IDE: variants seen among roughly 807,000 people sequenced by gnomAD.
IDE encodes the protein insulin degrading enzyme, also known as insulin-degrading enzyme.
In IDE, 58 loss-of-function variants were observed where a neutral mutation model predicts 133.2. That is an observed-to-expected ratio of 0.44 (90% CI 0.35 to 0.54). The LOEUF is 0.54. Ranked by LOEUF, IDE falls within the 20% of genes least tolerant of loss-of-function variation. IDE has a pLI of 0.00. For synonymous variants in IDE, 396 were observed against 421.3 expected, an observed-to-expected ratio of 0.94 and a Z score of 0.73; for missense variants, 981 against 1,234.0, an observed-to-expected ratio of 0.79 and a Z score of 3.07.
In IDE at chr10:92,504,944, C is replaced by G. The variant is rs188517746; in HGVS notation, c.1327-47G>C. 3.5e-6 allele frequency: 3 copies of G among 853,558 alleles called. No individual in the cohort carries two copies. In the Admixed American group the frequency reaches 8.2e-5, roughly 23 times the overall value. The allele number at this position is 853,558 out of a possible 1,614,324, so 52.9% of individuals were successfully genotyped here. A position where few individuals can be genotyped will look rare whatever the true frequency, so the allele number is the denominator to read the frequency against. On this transcript the variant is annotated intron_variant, in intron 10 of 24. Transcript: ENST00000265986. ...ATAAATAAAATATACAAAGCTACTA[C>G]ATAGTTTATTAAAGCAGATCTGTAA...
chr10:92,545,339 T>C (rs1842493856), intron 1 of IDE, among the ~76,000 whole-genome samples: 2 of 152,290 alleles, frequency 1.3e-5, no homozygotes, highest in African/African-American at 2.4e-5. Context: ...AATATGATTA[T>C]GTATATAGAA....
At position 92,517,965 on chromosome 10, in the gene IDE, T is replaced by C. The variant is rs79577301; in HGVS notation, c.662-2923A>G. On this transcript the variant is annotated intron_variant, in intron 4 of 24. Transcript: ENST00000265986. The stretch of plus-strand genomic sequence containing the variant: ...ATATAAATAAATAAATAAGACCTAG[T>C]TCTGCTTTACTGCCCAGAGAGGTCC... Among the ~76,000 whole-genome samples the C allele has an allele frequency of 9.9e-4, 151 of 152,264 alleles. 1 individual carries two copies. Among genetic ancestry groups the C allele is most frequent in the Non-Finnish European group, 1.8e-3 (123 of 68,032 alleles).
intron 1 of IDE, among the ~76,000 whole-genome samples, chr10:92,544,008 A>ATG (rs1842423792): frequency 6.6e-6 from 1 of 152,160 alleles, no homozygotes. Context: ...CGAGGTGGGC[A>ATG]GATCACCTGA....
At chr10:92,470,129 G>A in intron 18 of IDE, 125 bp downstream of exon 18, 1 of 579,204 alleles carries the variant, frequency 1.7e-6, no homozygotes, top group South Asian at 2.9e-5. Context: ...CACAGAGCAA[G>A]AGGGTTGAGT....
rs551562063 is a variant in IDE, at chr10:92,523,841, T to G, written c.661+7907A>C. Among the ~76,000 whole-genome samples the G allele has an allele frequency of 3.9e-5, 6 of 152,274 alleles. No individual in the cohort carries two copies. In the East Asian group the frequency reaches 7.7e-4, roughly 20 times the overall value. ...TGTTCCCACTCACTCTTTGACCTCC[T>G]TCTTTTATTTCCCTCCCAGCTGAAT... On this transcript the variant is annotated intron_variant, in intron 4 of 24. Transcript: ENST00000265986.
intron 2 of IDE, among the ~76,000 whole-genome samples, chr10:92,535,061 A>G (rs1448902912): frequency 6.6e-6 from 1 of 152,108 alleles, no homozygotes; most frequent in Non-Finnish European, 1.5e-5. Context: ...AGGAAGAAAG[A>G]GCTGGATTCA....
At chr10:92,498,681 C>T (rs955399965) in intron 11 of IDE, among the ~76,000 whole-genome samples, 3 of 151,998 alleles carry the variant, frequency 2.0e-5, no homozygotes, top group South Asian at 2.1e-4. Context: ...TGTCTGAACC[C>T]GGGAGGCGGA....
Position 92,454,440 on chromosome 10 carries a change from A to AT in IDE, c.*3dup. On this transcript the variant is annotated 3_prime_UTR_variant, in exon 25 of 25. Coordinates refer to ENST00000265986, the MANE Select transcript of IDE (RefSeq NM_004969.4). ...ACTTGCACTTTCCCATGCATGGGGA[A>AT]TCTTCAGAGTTTTGCAGCCATGAAG... 1 of 1,597,012 alleles carries AT rather than the reference A, an allele frequency of 6.3e-7. No individual in the cohort carries two copies. Among genetic ancestry groups the AT allele is most frequent in the Non-Finnish European group, 8.6e-7 (1 of 1,164,376 alleles).
chr10:92,550,122 C>G (rs766440578), intron 1 of IDE, among the ~76,000 whole-genome samples: 28 of 151,850 alleles, frequency 1.8e-4, no homozygotes, highest in Admixed American at 2.6e-4. Flanking sequence ...AAGCTGAGAT[C>G]ACGCCATTGC....
intron 1 of IDE, among the ~76,000 whole-genome samples, chr10:92,550,609 C>T (rs1842733498): frequency 6.8e-6 from 1 of 147,984 alleles, no homozygotes; most frequent in East Asian, 2.0e-4. Flanking sequence ...AGAGATAGCG[C>T]CACTACACTC....
intron 12 of IDE, among the ~76,000 whole-genome samples, chr10:92,487,987 G>A (rs895934347): frequency 2.0e-5 from 3 of 152,172 alleles, no homozygotes; most frequent in Non-Finnish European, 4.4e-5. Context: ...AGTAGAGATT[G>A]GGTTTCACTG....
At chr10:92,486,519 G>C (rs1847006919) in intron 13 of IDE, among the ~76,000 whole-genome samples, 1 of 152,134 alleles carries the variant, frequency 6.6e-6, no homozygotes. Flanking sequence ...GTGTGTGTGT[G>C]CCTACAGTCA....
intron 22 of IDE, among the ~76,000 whole-genome samples, chr10:92,458,527 A>G: frequency 9.5e-6 from 1 of 105,106 alleles, no homozygotes; most frequent in East Asian, 2.8e-4. Flanking sequence ...TTTGAGATGG[A>G]GTCTCGCTCT....
intron 11 of IDE, among the ~76,000 whole-genome samples, chr10:92,498,524 G>C (rs1847840885): frequency 6.6e-6 from 1 of 152,174 alleles, no homozygotes; most frequent in Non-Finnish European, 1.5e-5. Context: ...GGGAGGCCGA[G>C]GCAGGTGGAT....
chr10:92,572,988 T>A, intron 1 of IDE: 1 of 985,264 alleles, frequency 1.0e-6, no homozygotes, highest in Non-Finnish European at 1.2e-6. Flanking sequence ...GGCAGACACA[T>A]ACTTTACATA....
chr10:92,459,824 CTTTTTT>C (rs901315055), intron 22 of IDE, among the ~76,000 whole-genome samples: 6 of 92,786 alleles, frequency 6.5e-5, no homozygotes, highest in South Asian at 3.7e-4. Context: ...GTGTGAACCT[CTTTTTT>C]TTTTTTTTTT....
intron 16 of IDE, 35 bp downstream of exon 16, chr10:92,475,844 ATTATC>A (rs749361086): frequency 4.1e-6 from 3 of 737,748 alleles, no homozygotes; most frequent in African/African-American, 3.6e-5. Flanking sequence ...ATATAGCAAT[ATTATC>A]TTATGAATAA....
At chr10:92,476,032 A>G in intron 15 of IDE, 38 bp from the exon 16 acceptor site, 1 of 850,558 alleles carries the variant, frequency 1.2e-6, no homozygotes, top group Non-Finnish European at 1.9e-6. Context: ...GTCTAAAAAT[A>G]TCACAAAACA....
rs752692591 is a variant in IDE, at chr10:92,508,870, G to A, written c.918C>T (p.Pro306=). The A allele has an allele frequency of 1.2e-5, 19 of 1,612,292 alleles. No individual in the cohort carries two copies. The highest frequency in any genetic ancestry group is 1.6e-5 in the Non-Finnish European group (19 of 1,178,456). Residue 306 remains proline (P), a synonymous_variant, in exon 7 of 25, where the codon CCC becomes CCT. Transcript: ENST00000265986. ...CATAGAGATTCCTAATATCTTTAATGGGTACTATTTTGTAAAGTTGCTGGA... is the reference window on the plus strand; with the variant it reads ...CATAGAGATTCCTAATATCTTTAATAGGTACTATTTTGTAAAGTTGCTGGA... The part of the protein sequence containing the change: ...EHLKQLYKIV[P]IKDIRNLYVT...
Sources: allele counts gnomAD v4.1 joint callset (sites outside exome capture counted in the v4.1 genomes callset), GRCh38; gene constraint gnomAD v4.1.1; transcripts MANE v1.5; gene names NCBI Gene and HGNC (gene_info 2026-07-23, HGNC 2026-07-21).